Variants in CHCHD6 observed in about 807,000 individuals in gnomAD.
The protein encoded by CHCHD6 is coiled-coil-helix-coiled-coil-helix domain containing 6, also known as MICOS complex subunit MIC25.
In CHCHD6, 28 loss-of-function variants were observed where a neutral mutation model predicts 32.3. The ratio of observed to expected loss-of-function variants is 0.87; its 90% confidence interval spans 0.64 to 1.19. CHCHD6 has a LOEUF of 1.19. Ranked by LOEUF, CHCHD6 falls within the 50% of genes most tolerant of loss-of-function variation. The pLI is 0.00. For missense variants in CHCHD6, 333 were observed against 307.0 expected, an observed-to-expected ratio of 1.08 and a Z score of -0.63; for synonymous variants, 122 against 117.5, an observed-to-expected ratio of 1.04 and a Z score of -0.25.
intron 5 of CHCHD6, among the ~76,000 whole-genome samples, chr3:126,863,724 G>A (rs1246631887): frequency 1.5e-4 from 3 of 19,740 alleles, no homozygotes; most frequent in East Asian, 2.1e-3. Context: ...CCATCACCAC[G>A]TCCTCCTCCT....
intron 6 of CHCHD6, among the ~76,000 whole-genome samples, chr3:126,947,440 C>G (rs2078655287): frequency 6.6e-6 from 1 of 152,234 alleles, no homozygotes; most frequent in Non-Finnish European, 1.5e-5. Flanking sequence ...TTGGTTGTCT[C>G]TTTCAGAATG....
chr3:126,895,781 T>G (rs973331715), intron 5 of CHCHD6, among the ~76,000 whole-genome samples: 1 of 152,228 alleles, frequency 6.6e-6, no homozygotes, highest in African/African-American at 2.4e-5. Flanking sequence ...TCTGGCATCC[T>G]GCCATGTGAC....
intron 4 of CHCHD6, among the ~76,000 whole-genome samples, chr3:126,803,348 C>A (rs1327411490): frequency 1.3e-5 from 2 of 151,684 alleles, no homozygotes; most frequent in South Asian, 2.1e-4. Flanking sequence ...CACATAGGCT[C>A]AAAATAAAGG....
At chr3:126,899,723 A>G (rs550151961) in intron 5 of CHCHD6, among the ~76,000 whole-genome samples, 56 of 152,248 alleles carry the variant, frequency 3.7e-4, no homozygotes, top group Non-Finnish European at 6.2e-4. Context: ...GTGCCCTTCC[A>G]TGGCACATTG....
intron 4 of CHCHD6, among the ~76,000 whole-genome samples, chr3:126,814,924 A>G (rs1939812692): frequency 6.6e-6 from 1 of 152,038 alleles, no homozygotes; most frequent in Non-Finnish European, 1.5e-5. Flanking sequence ...GTGGGATCTG[A>G]CTCCATTTCC....
chr3:126,719,377 G>A (rs1935170472), intron 1 of CHCHD6, among the ~76,000 whole-genome samples: 1 of 152,236 alleles, frequency 6.6e-6, no homozygotes, highest in South Asian at 2.1e-4. Flanking sequence ...AGTGCATGCG[G>A]CTTCTTGCCC....
At chr3:126,926,869 C>A (rs1455779721) in intron 6 of CHCHD6, among the ~76,000 whole-genome samples, 4 of 152,148 alleles carry the variant, frequency 2.6e-5, no homozygotes, top group Non-Finnish European at 5.9e-5. Flanking sequence ...GAATGACTCA[C>A]CCATTGCACA....
At chr3:126,873,970 G>A (rs763998641) in intron 5 of CHCHD6, among the ~76,000 whole-genome samples, 2 of 152,300 alleles carry the variant, frequency 1.3e-5, no homozygotes, top group South Asian at 2.1e-4. Context: ...TTGAAGCTGT[G>A]ATTTGTCTTT....
chr3:126,864,984 TA>T (rs1942215427), intron 5 of CHCHD6, among the ~76,000 whole-genome samples: 1 of 120,978 alleles, frequency 8.3e-6, no homozygotes, highest in African/African-American at 3.9e-5. Flanking sequence ...TCATCACCAC[TA>T]CCACCATCAC....
intron 6 of CHCHD6, among the ~76,000 whole-genome samples, chr3:126,938,442 G>A (rs1468342484): frequency 4.6e-5 from 7 of 152,186 alleles, no homozygotes; most frequent in East Asian, 1.9e-4. Context: ...TGTACGTGAC[G>A]CAGTAAGCAG....
At chr3:126,923,212 T>C (rs1202698193) in intron 6 of CHCHD6, among the ~76,000 whole-genome samples, 1 of 152,266 alleles carries the variant, frequency 6.6e-6, no homozygotes, top group Non-Finnish European at 1.5e-5. Context: ...TGAATCTCTG[T>C]TCTCAGTCCC....
chr3:126,724,139 G>A (rs1935432304), intron 1 of CHCHD6, among the ~76,000 whole-genome samples: 1 of 152,192 alleles, frequency 6.6e-6, no homozygotes, highest in Non-Finnish European at 1.5e-5. Context: ...GTACAGAGAT[G>A]AGTGAGATTC....
intron 4 of CHCHD6, among the ~76,000 whole-genome samples, chr3:126,759,407 T>G (rs1244759025): frequency 6.6e-6 from 1 of 152,230 alleles, no homozygotes; most frequent in Non-Finnish European, 1.5e-5. Flanking sequence ...TCAGTTTTCC[T>G]TGTCCCAATC....
chr3:126,776,381 C>G (rs1332090006), intron 4 of CHCHD6, among the ~76,000 whole-genome samples: 2 of 152,174 alleles, frequency 1.3e-5, no homozygotes, highest in African/African-American at 4.8e-5. Flanking sequence ...CTGATGCTCT[C>G]TTTACTTTAG....
chr3:126,882,391 CT>C (rs1317591116), intron 5 of CHCHD6, among the ~76,000 whole-genome samples: 1 of 152,224 alleles, frequency 6.6e-6, no homozygotes, highest in African/African-American at 2.4e-5. Flanking sequence ...GAGGAAGGTG[CT>C]GTGAAGATTC....
Position 126,771,785 on chromosome 3 carries a change from G to T in CHCHD6, c.411+38563G>T, listed in dbSNP as rs114270326. Among the ~76,000 whole-genome samples, 745 of 152,202 alleles carry T rather than the reference G, an allele frequency of 4.9e-3. 5 individuals carry two copies. Among genetic ancestry groups the T allele is most frequent in the African/African-American group, 0.013 (522 of 41,542 alleles). ...ATGTGGGTATCTAGTGCTATAAACC[G>T]CCCTCTTAACACTGCCTTAGCTATG... On this transcript the variant is annotated intron_variant, in intron 4 of 7. Coordinates refer to ENST00000290913, the MANE Select transcript of CHCHD6 (RefSeq NM_032343.3).
intron 5 of CHCHD6, among the ~76,000 whole-genome samples, chr3:126,910,273 G>GAAAAAAAAAAAAAAAA (rs547565601): frequency 1.9e-4 from 21 of 111,446 alleles, no homozygotes; most frequent in Non-Finnish European, 3.5e-4. Flanking sequence ...CCTGCCTCAG[G>GAAAAAAAAAAAAAAAA]AAAAAAAAAA....
chr3:126,774,467 A>G (rs1937599762), intron 4 of CHCHD6, among the ~76,000 whole-genome samples: 2 of 152,216 alleles, frequency 1.3e-5, no homozygotes, highest in East Asian at 1.9e-4. Context: ...TACAATGTAT[A>G]TGTGTAGTTC....
chr3:126,874,599 C>T (rs1311611895), intron 5 of CHCHD6, among the ~76,000 whole-genome samples: 1 of 152,172 alleles, frequency 6.6e-6, no homozygotes. Context: ...GCAGAAGACT[C>T]ATGGTCTGCT....
Sources: gnomAD v4.1 joint callset for allele counts (sites outside exome capture counted in the v4.1 genomes callset) on GRCh38, gnomAD v4.1.1 for gene constraint, MANE v1.5 for transcripts, NCBI Gene and HGNC (gene_info 2026-07-23, HGNC 2026-07-21) for gene names.